The following RAP1GAP2 variants were observed in gnomAD, a reference collection of about 807,000 sequenced individuals.
RAP1GAP2 encodes the protein rap1 GTPase-activating protein 2.
A neutral mutation model predicts 95.0 loss-of-function variants in RAP1GAP2; 27 were observed. That is an observed-to-expected ratio of 0.28 (90% confidence interval 0.21 to 0.39). RAP1GAP2 has a LOEUF of 0.39. Among genes scored for constraint, RAP1GAP2 ranks in the 10% least tolerant of loss-of-function variants. RAP1GAP2 has a pLI of 1.00. For missense variants in RAP1GAP2, 771 were observed against 970.0 expected, an observed-to-expected ratio of 0.79 and a Z score of 2.72; for synonymous variants, 373 against 380.9, an observed-to-expected ratio of 0.98 and a Z score of 0.24.
At chr17:2,937,827 C>T (rs2043349448) in intron 3 of RAP1GAP2, among the ~76,000 whole-genome samples, 1 of 152,178 alleles carries the variant, frequency 6.6e-6, no homozygotes, top group East Asian at 1.9e-4. Flanking sequence ...GCCCTGACCT[C>T]CAGCGTCATT....
At chr17:2,995,577 G>T in intron 13 of RAP1GAP2, 111 bp downstream of exon 13, 2 of 1,430,856 alleles carry the variant, frequency 1.4e-6, no homozygotes, top group East Asian at 2.4e-5. Flanking sequence ...TCCCGTAGCC[G>T]GCCATTCGTT....
At chr17:2,769,181 A>G (rs967259399) in intron 1 of RAP1GAP2, among the ~76,000 whole-genome samples, 7 of 142,934 alleles carry the variant, frequency 4.9e-5, no homozygotes, top group African/African-American at 1.8e-4. Context: ...TCAGTGAACT[A>G]TAATTGCGCC....
At chr17:2,896,695 G>A (rs942091777) in intron 2 of RAP1GAP2, among the ~76,000 whole-genome samples, 7 of 152,186 alleles carry the variant, frequency 4.6e-5, no homozygotes, top group African/African-American at 1.4e-4. Context: ...GGCTGCAGAG[G>A]TTCTCCCAGG....
Position 3,015,554 on chromosome 17 carries a change from C to T in RAP1GAP2, c.1495-2507C>T, listed in dbSNP as rs376895404. ...TGACTCAAGGCTGGGCGTGGTGGCT[C>T]ACGCTTGTAATCCCAGCACTTTGGG... is the stretch of plus-strand genomic sequence containing the variant. On this transcript the variant is annotated intron_variant, in intron 17 of 24. Coordinates refer to ENST00000254695, the MANE Select transcript of RAP1GAP2 (RefSeq NM_015085.5). 1.3e-3 allele frequency among the ~76,000 whole-genome samples: 196 copies of T among 152,270 alleles called. 1 individual carries two copies. The South Asian group carries it at 0.02, about 16-fold the overall frequency.
rs750727726 is a variant in RAP1GAP2 at position 2,981,185 on chromosome 17, C to G, written c.676-10C>G. On this transcript the variant is annotated splice_polypyrimidine_tract_variant and intron_variant, in intron 9 of 24. Coordinates refer to ENST00000254695, the MANE Select transcript of RAP1GAP2 (RefSeq NM_015085.5). ...TCATCCCTGACCTGCGTCTTCTTCTCCCTTCTCAGGCTTTCTGTGATGATG... is the reference window on the plus strand; with the variant it reads ...TCATCCCTGACCTGCGTCTTCTTCTGCCTTCTCAGGCTTTCTGTGATGATG... 3.1e-6 allele frequency: 5 copies of G among 1,611,458 alleles called. No homozygotes were observed. The highest frequency in any genetic ancestry group is 4.2e-6 in the Non-Finnish European group (5 of 1,178,592).
Position 3,026,397 on chromosome 17 carries a change from C to T in RAP1GAP2, c.1913C>T (p.Ser638Phe), listed in dbSNP as rs765020702. 1 of 1,552,606 alleles carries T rather than the reference C, an allele frequency of 6.4e-7. No individual in the cohort carries two copies. The highest frequency in any genetic ancestry group is 8.7e-7 in the Non-Finnish European group (1 of 1,147,710). The part of the protein sequence containing the change: ...KENGRAISRS[S>F]SSTSSVSSTA... ...AACGGCCGTGCCATCTCCCGCTCCTCCTCCAGCACCAGCAGCGTCAGCAGC... is the reference window on the plus strand; with the variant it reads ...AACGGCCGTGCCATCTCCCGCTCCTTCTCCAGCACCAGCAGCGTCAGCAGC... Residue 638 changes from serine to phenylalanine, a missense_variant, in exon 21 of 25, where the codon TCC becomes TTC. Physicochemically the swap from Ser to Phe is radical, Grantham distance 155. Coordinates refer to ENST00000254695, the MANE Select transcript of RAP1GAP2 (RefSeq NM_015085.5).
chr17:2,847,696 G>GAAT (rs2071650294), intron 2 of RAP1GAP2, among the ~76,000 whole-genome samples: 1 of 8,514 alleles, frequency 1.2e-4, no homozygotes, highest in Non-Finnish European at 2.1e-4. Context: ...GGAAGAGGTG[G>GAAT]AAGTGGCTTC....
intron 17 of RAP1GAP2, among the ~76,000 whole-genome samples, chr17:3,009,563 C>A (rs374679987): frequency 1.0e-3 from 158 of 152,308 alleles, no homozygotes; most frequent in African/African-American, 3.5e-3. Context: ...AGATTCCACC[C>A]GCACTAGCCT....
chr17:2,967,538 T>A (rs1278546679), intron 8 of RAP1GAP2, among the ~76,000 whole-genome samples: 4 of 152,132 alleles, frequency 2.6e-5, no homozygotes. Context: ...TTGTTGTGGG[T>A]CAACAGCATT....
chr17:3,029,704 C>T lies in RAP1GAP2; in HGVS notation c.2108-1218C>T, dbSNP rs2047231411. On this transcript the variant is annotated intron_variant, in intron 22 of 24. Coordinates refer to ENST00000254695, the MANE Select transcript of RAP1GAP2 (RefSeq NM_015085.5). The surrounding 1 kb of genome is among the most constrained non-coding windows in gnomAD (Gnocchi z 4.4). ...CAGCTTCCAGGAAGGCTGCACTAAG[C>T]TTTCCATACCCTCGGCCAGAGGACA... Among the ~76,000 whole-genome samples the T allele has an allele frequency of 6.6e-6, 1 of 152,164 alleles. No homozygotes were observed. The highest frequency in any genetic ancestry group is 2.4e-5 in the African/African-American group (1 of 41,438).
At chr17:2,969,784 G>GT (rs1444220887) in intron 8 of RAP1GAP2, among the ~76,000 whole-genome samples, 1 of 151,912 alleles carries the variant, frequency 6.6e-6, no homozygotes, top group African/African-American at 2.4e-5. Flanking sequence ...GATTACAGGC[G>GT]TGAGTCACCG....
At chr17:2,811,867 CTG>C (rs2069781578) in intron 2 of RAP1GAP2, among the ~76,000 whole-genome samples, 2 of 152,106 alleles carry the variant, frequency 1.3e-5, no homozygotes, top group African/African-American at 4.8e-5. Context: ...GCGTGAGCCA[CTG>C]CGCCTGGCCT....
At chr17:2,885,282 T>A (rs1330962501) in intron 2 of RAP1GAP2, among the ~76,000 whole-genome samples, 1 of 152,126 alleles carries the variant, frequency 6.6e-6, no homozygotes, top group Non-Finnish European at 1.5e-5. Flanking sequence ...TCCACCCGCC[T>A]CGGCCTCCCA....
intron 2 of RAP1GAP2, among the ~76,000 whole-genome samples, chr17:2,887,960 C>T (rs542430153): frequency 7.2e-5 from 11 of 152,178 alleles, no homozygotes; most frequent in Non-Finnish European, 1.3e-4. Flanking sequence ...AAGTGTGAAC[C>T]GCTGCGCCTG....
intron 2 of RAP1GAP2, among the ~76,000 whole-genome samples, chr17:2,889,756 C>T (rs2073625618): frequency 7.0e-6 from 1 of 142,788 alleles, no homozygotes; most frequent in South Asian, 2.3e-4. Context: ...GATCTCAGAT[C>T]ATTGCAACCT....
chr17:2,884,257 G>A (rs922283331), intron 2 of RAP1GAP2, among the ~76,000 whole-genome samples: 4 of 152,134 alleles, frequency 2.6e-5, no homozygotes, highest in African/African-American at 9.7e-5. Flanking sequence ...GTGGGGTGCA[G>A]TGGGGCTGCA....
intron 3 of RAP1GAP2, among the ~76,000 whole-genome samples, chr17:2,944,357 T>C (rs1222510244): frequency 6.6e-6 from 1 of 152,206 alleles, no homozygotes; most frequent in African/African-American, 2.4e-5. Context: ...TGCACGTGGA[T>C]ATCCAGCTTT....
chr17:2,867,609 G>A lies in RAP1GAP2; in HGVS notation c.81-37675G>A, dbSNP rs2072668280. 1.3e-5 allele frequency among the ~76,000 whole-genome samples: 2 copies of A among 152,190 alleles called. No individual in the cohort carries two copies. Among genetic ancestry groups the A allele is most frequent in the African/African-American group, 4.8e-5 (2 of 41,458 alleles). On this transcript the variant is annotated intron_variant, in intron 2 of 24. Transcript: ENST00000254695. The surrounding 1 kb of genome is among the most constrained non-coding windows in gnomAD (Gnocchi z 4.5). The stretch of plus-strand genomic sequence containing the variant: ...CCCTGAACTTTGGCCAGAGGGGTGG[G>A]ATACACTGATTCATGAAGTCTAGGT...
intron 12 of RAP1GAP2, among the ~76,000 whole-genome samples, chr17:2,993,752 C>T (rs1308432187): frequency 3.3e-5 from 5 of 151,490 alleles, no homozygotes; most frequent in African/African-American, 9.7e-5. Flanking sequence ...TGTGAAAAAA[C>T]GGCCAGGCAT....
Sources: gnomAD v4.1 joint callset for allele counts (sites outside exome capture counted in the v4.1 genomes callset) on GRCh38, gnomAD v4.1.1 for gene constraint, Gnocchi (gnomAD v3.1) non-coding constraint, MANE v1.5 for transcripts, NCBI Gene and HGNC (gene_info 2026-07-23, HGNC 2026-07-21) for gene names.